Variants in PRKAR1B observed in about 807,000 individuals in gnomAD.
PRKAR1B encodes protein kinase cAMP-dependent type I regulatory subunit beta.
PRKAR1B carries 22 observed loss-of-function variants against 46.5 expected under a neutral mutation model. The ratio of observed to expected loss-of-function variants is 0.47; its 90% CI spans 0.34 to 0.68. PRKAR1B has a LOEUF of 0.68. Ranked by LOEUF, PRKAR1B falls within the 30% of genes least tolerant of loss-of-function variation. The probability of loss-of-function intolerance (pLI) is 0.01; values close to 1 mark genes in which losing one functional copy is unlikely to be tolerated. For missense variants in PRKAR1B, 445 were observed against 535.6 expected (o/e 0.83, Z 1.67); for synonymous variants, 259 against 217.7 (o/e 1.19, Z -1.67).
chr7:697,385 G>T (rs946017868), intron 2 of PRKAR1B, among the ~76,000 whole-genome samples: 5 of 152,148 alleles, frequency 3.3e-5, no homozygotes, highest in Non-Finnish European at 7.4e-5. Context: ...TCGCTCCTGT[G>T]GGGACACAGC....
intron 2 of PRKAR1B, among the ~76,000 whole-genome samples, chr7:700,315 A>G (rs1779991769): frequency 6.6e-6 from 1 of 152,230 alleles, no homozygotes; most frequent in Admixed American, 6.5e-5. Context: ...ACCAAGGATG[A>G]GAGAGAACTT....
chr7:700,541 C>T (rs926702753), intron 2 of PRKAR1B, among the ~76,000 whole-genome samples: 1 of 152,128 alleles, frequency 6.6e-6, no homozygotes, highest in Non-Finnish European at 1.5e-5. Flanking sequence ...TGACAAGCTT[C>T]AGATGCTAGA....
At chr7:688,290 A>C (rs904522849) in intron 2 of PRKAR1B, among the ~76,000 whole-genome samples, 1 of 151,030 alleles carries the variant, frequency 6.6e-6, no homozygotes, top group Non-Finnish European at 1.5e-5. Flanking sequence ...CTGTAATCCC[A>C]GTTACCCAGG....
At chr7:606,418 C>T (rs1015222728) in intron 5 of PRKAR1B, among the ~76,000 whole-genome samples, 179 bp from the exon 6 acceptor site, 6 of 152,214 alleles carry the variant, frequency 3.9e-5, no homozygotes, top group Admixed American at 3.9e-4. Context: ...GTTAAAGAGC[C>T]TGTTCTTAAG....
chr7:643,124 A>C (rs968533711), intron 4 of PRKAR1B, among the ~76,000 whole-genome samples: 8 of 151,670 alleles, frequency 5.3e-5, no homozygotes, highest in Admixed American at 1.3e-4. Context: ...GAAAATAATC[A>C]GACTCTGCCA....
chr7:608,441 A>G (rs1782240716), intron 4 of PRKAR1B: 1 of 152,092 alleles, frequency 6.6e-6, no homozygotes, highest in Non-Finnish European at 1.5e-5. Flanking sequence ...GACAGCCCTG[A>G]CCCTCCTGAT....
chr7:695,993 G>A (rs973579452), intron 2 of PRKAR1B, among the ~76,000 whole-genome samples: 4 of 130,606 alleles, frequency 3.1e-5, no homozygotes, highest in Non-Finnish European at 4.8e-5. Flanking sequence ...TTTTGAGATA[G>A]GGTCTTTCTC....
At chr7:715,722 T>C (rs905742912) in intron 1 of PRKAR1B, among the ~76,000 whole-genome samples, 3 of 142,480 alleles carry the variant, frequency 2.1e-5, no homozygotes, top group Admixed American at 6.9e-5. Context: ...CCACATTTTA[T>C]TTTTTTTTTT....
intron 6 of PRKAR1B, among the ~76,000 whole-genome samples, chr7:598,456 A>G (rs1781400854): frequency 1.1e-5 from 1 of 91,008 alleles, no homozygotes; most frequent in Non-Finnish European, 2.3e-5. Context: ...CACACTAAAT[A>G]CCATCACCCT....
intron 4 of PRKAR1B, among the ~76,000 whole-genome samples, chr7:632,527 C>T (rs2128480084): frequency 6.6e-6 from 1 of 152,340 alleles, no homozygotes; most frequent in South Asian, 2.1e-4. Context: ...GGCACTGGTA[C>T]TCCCAGGAGC....
At chr7:673,057 A>AAAAAG (rs1337797595) in intron 4 of PRKAR1B, among the ~76,000 whole-genome samples, 1 of 130,970 alleles carries the variant, frequency 7.6e-6, no homozygotes, top group East Asian at 2.1e-4. Context: ...AAAAAAAAAA[A>AAAAAG]AAAAAAAAAA....
Position 714,973 on chromosome 7 carries a change from GTCAGGAGT to G in PRKAR1B, c.-22-3454_-22-3447del, listed in dbSNP as rs1780822375. On this transcript the variant is annotated intron_variant, in intron 1 of 10. Coordinates refer to ENST00000537384, the MANE Select transcript of PRKAR1B (RefSeq NM_001164760.2). This position sits in a 1 kb window ranked among gnomAD's most constrained non-coding sequence, Gnocchi z 4.3. The stretch of plus-strand genomic sequence containing the variant: ...GGCCGAGGCAGGTGGGTCACTGGAG[GTCAGGAGT>G]TCAAGACCAGCCTGGGCAACATAGC... Among the ~76,000 whole-genome samples, 1 of 152,086 alleles carries G rather than the reference GTCAGGAGT, an allele frequency of 6.6e-6. No homozygotes were observed. The highest frequency in any genetic ancestry group is 2.1e-4 in the South Asian group (1 of 4,826).
Position 577,636 on chromosome 7 carries a change from C to T in PRKAR1B, c.891+1620G>A, listed in dbSNP as rs34257382. 1.0e-3 allele frequency among the ~76,000 whole-genome samples: 158 copies of T among 152,270 alleles called. 5 individuals carry two copies. The highest frequency in any genetic ancestry group is 7.6e-3 in the Admixed American group (116 of 15,308). ...AGCCTCCGGACGACGGACGCACTGC[C>T]GGCCCTGGGGTTCCGGCCCAGTTCC... On this transcript the variant is annotated intron_variant, in intron 9 of 10. Coordinates refer to ENST00000537384, the MANE Select transcript of PRKAR1B (RefSeq NM_001164760.2).
intron 4 of PRKAR1B, among the ~76,000 whole-genome samples, chr7:620,264 T>C (rs1783042743): frequency 6.6e-6 from 1 of 152,224 alleles, no homozygotes. Context: ...ATCATCACGT[T>C]GAGTCATTCC....
intron 9 of PRKAR1B, among the ~76,000 whole-genome samples, chr7:554,946 C>A (rs1479733020): frequency 6.6e-6 from 1 of 152,220 alleles, no homozygotes; most frequent in Non-Finnish European, 1.5e-5. Flanking sequence ...TGCTCTGGGA[C>A]CTCGGGGAGG....
chr7:571,927 G>C (rs1779540772), intron 9 of PRKAR1B, among the ~76,000 whole-genome samples: 1 of 152,242 alleles, frequency 6.6e-6, no homozygotes, highest in African/African-American at 2.4e-5. Context: ...CTAGGCCCTG[G>C]ACGCCACTCT....
At chr7:676,744 G>A (rs1245218958) in intron 4 of PRKAR1B, among the ~76,000 whole-genome samples, 1 of 152,242 alleles carries the variant, frequency 6.6e-6, no homozygotes, top group Admixed American at 6.5e-5. Flanking sequence ...CATGGCCCAT[G>A]AGTCAGAGAA....
At chr7:661,238 T>C (rs1583376429) in intron 4 of PRKAR1B, among the ~76,000 whole-genome samples, 1 of 63,776 alleles carries the variant, frequency 1.6e-5, no homozygotes. Flanking sequence ...CCCCAACGGG[T>C]CCAAATACCT....
intron 2 of PRKAR1B, among the ~76,000 whole-genome samples, chr7:688,819 G>A (rs930874015): frequency 8.5e-5 from 13 of 152,270 alleles, no homozygotes; most frequent in African/African-American, 3.1e-4. Flanking sequence ...TCTTAACCAT[G>A]GTTATTGTCT....
Sources: gnomAD v4.1 joint callset for allele counts (sites outside exome capture counted in the v4.1 genomes callset) on GRCh38, gnomAD v4.1.1 for gene constraint, Gnocchi (gnomAD v3.1) non-coding constraint, MANE v1.5 for transcripts, NCBI Gene and HGNC (gene_info 2026-07-23, HGNC 2026-07-21) for gene names.